Variants in POMT2 observed in about 807,000 individuals in gnomAD.
The protein encoded by POMT2 is protein O-mannosyl-transferase 2.
POMT2 carries 75 observed loss-of-function variants against 100.0 expected under a neutral mutation model. That is an observed-to-expected ratio of 0.75 (90% CI 0.62 to 0.91). The LOEUF is 0.91. Among genes scored for constraint, POMT2 ranks in the 40% least tolerant of loss-of-function variants. The pLI, the probability that POMT2 is intolerant of heterozygous loss-of-function variation, is 0.00. For missense variants in POMT2, 940 were observed against 955.1 expected, an observed-to-expected ratio of 0.98 and a Z score of 0.21; for synonymous variants, 378 against 374.1, an observed-to-expected ratio of 1.01 and a Z score of -0.12.
chr14:77,291,686 C>T (rs970918758), intron 9 of POMT2, among the ~76,000 whole-genome samples: 1 of 152,156 alleles, frequency 6.6e-6, no homozygotes, highest in Non-Finnish European at 1.5e-5. Context: ...AACCATGAGG[C>T]CTTATATAAC....
At position 77,285,775 on chromosome 14, in the gene POMT2, G is replaced by T; in HGVS notation, c.1333-143C>A. On this transcript the variant is annotated intron_variant, in intron 12 of 20. Transcript: ENST00000261534. The stretch of plus-strand genomic sequence containing the variant: ...AGGCTCAATGATAGAGATGGGCAAG[G>T]TTACAAGAAGGCCAAAGAAATATCC... 6 of 1,010,048 alleles carry T rather than the reference G, an allele frequency of 5.9e-6. No individual in the cohort carries two copies. In the South Asian group the frequency reaches 6.6e-5, roughly 11 times the overall value. The allele number at this position is 1,010,048 out of a possible 1,614,324, so 62.6% of individuals were successfully genotyped here. A position where few individuals can be genotyped will look rare whatever the true frequency, so the allele number is the denominator to read the frequency against.
chr14:77,276,111 A>C lies in POMT2; in HGVS notation c.*1265T>G, dbSNP rs886050816. The C allele has an allele frequency of 3.9e-5, 6 of 152,512 alleles. No homozygotes were observed. The allele number at this position is 152,512 out of a possible 1,614,324, so 9.4% of individuals were successfully genotyped here. On this transcript the variant is annotated 3_prime_UTR_variant, in exon 21 of 21. Transcript: ENST00000261534. ...AAGAAATATTTTGTCATGCACCAGG[A>C]AGGTGGAGGCAGGCTTAAGGGCTGG...
intron 1 of POMT2, among the ~76,000 whole-genome samples, chr14:77,316,098 T>C (rs1368746674): frequency 1.3e-5 from 2 of 152,162 alleles, no homozygotes; most frequent in African/African-American, 2.4e-5. Flanking sequence ...CTGCTGGACA[T>C]AGGTACCAAG....
At chr14:77,315,241 G>C (rs1363019365) in intron 1 of POMT2, among the ~76,000 whole-genome samples, 1 of 152,166 alleles carries the variant, frequency 6.6e-6, no homozygotes, top group Non-Finnish European at 1.5e-5. Context: ...AAGGGAAAAG[G>C]GCCCCTAACC....
At chr14:77,308,582 C>T (rs1426073227) in intron 2 of POMT2, among the ~76,000 whole-genome samples, 13 of 152,104 alleles carry the variant, frequency 8.5e-5, no homozygotes, top group Non-Finnish European at 2.9e-5. Context: ...TCTCGAACTC[C>T]TGACCTCAGG....
intron 12 of POMT2, among the ~76,000 whole-genome samples, chr14:77,286,541 A>G (rs1890430005): frequency 6.6e-6 from 1 of 152,202 alleles, no homozygotes; most frequent in Admixed American, 6.5e-5. Flanking sequence ...ATGTGAGGAG[A>G]GAGATGGAGA....
intron 8 of POMT2, 129 bp from the exon 9 acceptor site, chr14:77,296,402 G>A (rs1890833211): frequency 7.3e-6 from 5 of 683,930 alleles, no homozygotes; most frequent in South Asian, 6.4e-5. Flanking sequence ...CTGGACTGAA[G>A]CCCAGCTACC....
intron 18 of POMT2, 177 bp downstream of exon 18, chr14:77,279,646 A>G: frequency 5.6e-6 from 4 of 717,414 alleles, no homozygotes; most frequent in Admixed American, 2.0e-5. Flanking sequence ...GAGGAAGTAA[A>G]GTGTTTAACA....
chr14:77,279,979 C>T (rs1890151044), intron 17 of POMT2, 42 bp downstream of exon 17: 1 of 1,614,176 alleles, frequency 6.2e-7, no homozygotes. Flanking sequence ...TCTCCACGGG[C>T]AAGTGCTCCA....
At chr14:77,309,474 C>G (rs907441978) in intron 2 of POMT2, among the ~76,000 whole-genome samples, 9 of 152,054 alleles carry the variant, frequency 5.9e-5, no homozygotes, top group Non-Finnish European at 1.3e-4. Flanking sequence ...GGCCTCAGAA[C>G]CTGCAGAAGC....
In POMT2 at chr14:77,315,597, G is replaced by A. The variant is rs552440326; in HGVS notation, c.249-3564C>T. Among the ~76,000 whole-genome samples the A allele has an allele frequency of 1.6e-4, 24 of 152,304 alleles. 2 individuals are homozygous for A. Among genetic ancestry groups the A allele is most frequent in the East Asian group, 1.3e-3 (7 of 5,190 alleles). ...AGCTGATACTGATCCCATAAGTGTCGAAGAGGATTATCCTGGGCAAGGGCT... is the reference window on the plus strand; with the variant it reads ...AGCTGATACTGATCCCATAAGTGTCAAAGAGGATTATCCTGGGCAAGGGCT... On this transcript the variant is annotated intron_variant, in intron 1 of 20. Transcript: ENST00000261534.
At chr14:77,295,120 A>G (rs905222368) in intron 9 of POMT2, among the ~76,000 whole-genome samples, 4 of 152,136 alleles carry the variant, frequency 2.6e-5, no homozygotes, top group South Asian at 4.1e-4. Flanking sequence ...CCTCTCCCCA[A>G]TATGGCCCCA....
chr14:77,294,864 A>C (rs1890768294), intron 9 of POMT2, among the ~76,000 whole-genome samples: 2 of 152,236 alleles, frequency 1.3e-5, no homozygotes, highest in Non-Finnish European at 2.9e-5. Flanking sequence ...AAAGGGAAAT[A>C]AAAATAAAGC....
intron 1 of POMT2, among the ~76,000 whole-genome samples, chr14:77,315,150 G>T (rs953275765): frequency 1.3e-5 from 2 of 152,298 alleles, no homozygotes; most frequent in Admixed American, 1.3e-4. Context: ...TGTCTCATGG[G>T]GGGAAGGATG....
At chr14:77,279,777 C>T (rs746010036) in intron 18 of POMT2, 46 bp downstream of exon 18, 10 of 1,574,524 alleles carry the variant, frequency 6.4e-6, no homozygotes, top group Middle Eastern at 1.7e-4. Context: ...GGTGCAGGTG[C>T]CCTGCTGCCG....
intron 12 of POMT2, 69 bp downstream of exon 12, chr14:77,286,675 C>CCCA (rs1890433823): frequency 3.8e-6 from 6 of 1,597,614 alleles, no homozygotes; most frequent in Non-Finnish European, 5.1e-6. Context: ...GAGGAGATAT[C>CCCA]CCACCACACA....
At chr14:77,311,197 CAT>C (rs1390469098) in intron 2 of POMT2, among the ~76,000 whole-genome samples, 6 of 152,184 alleles carry the variant, frequency 3.9e-5, no homozygotes, top group South Asian at 2.1e-4. Context: ...AATGGTAAAA[CAT>C]GTGAGAGAAA....
At position 77,278,479 on chromosome 14, in the gene POMT2, A is replaced by C; in HGVS notation, c.2062T>G (p.Cys688Gly). The C allele has an allele frequency of 6.7e-7, 1 of 1,498,878 alleles. No homozygotes were observed. Among genetic ancestry groups the C allele is most frequent in the East Asian group, 2.4e-5 (1 of 40,872 alleles). The allele number at this position is 1,498,878 out of a possible 1,614,324, so 92.8% of individuals were successfully genotyped here. ...GGCCATGAGGCCAAGCCCCAGGCAC[A>C]GAGCCGCAGGAGGGTGTCCCACAGA... is the stretch of plus-strand genomic sequence containing the variant. ...GILWDTLLRL[C>G]AWGLASWPLA... The change falls in exon 20 of 21, where the codon TGT (cysteine) becomes GGT (glycine). Residue 688 changes from cysteine to glycine, a missense_variant. Cys to Gly is a radical substitution (Grantham distance 159). Coordinates refer to ENST00000261534, the MANE Select transcript of POMT2 (RefSeq NM_013382.7).
Position 77,320,499 on chromosome 14 carries a change from C to A in POMT2, c.183G>T (p.Leu61=). The A allele has an allele frequency of 6.5e-7, 1 of 1,546,712 alleles. No homozygotes were observed. Among genetic ancestry groups the A allele is most frequent in the Non-Finnish European group, 8.7e-7 (1 of 1,149,176 alleles). Residue 61 remains leucine, a synonymous_variant, in exon 1 of 21, where the codon CTG becomes CTT. Coordinates refer to ENST00000261534, the MANE Select transcript of POMT2 (RefSeq NM_013382.7). ...RFEAVGWWAL[L]ALVTLLSFAT... is the part of the protein sequence containing the mutation. ...CGAAGGACAGCAGCGTCACCAAGGC[C>A]AGCAGGGCCCACCAGCCGACCGCCT...
Sources: allele counts gnomAD v4.1 joint callset (sites outside exome capture counted in the v4.1 genomes callset), GRCh38; gene constraint gnomAD v4.1.1; transcripts MANE v1.5; gene names NCBI Gene and HGNC (gene_info 2026-07-23, HGNC 2026-07-21).